Variants in MGAT1 observed in about 807,000 individuals in gnomAD.
MGAT1 encodes N-glycosyl-oligosaccharide-glycoprotein N-acetylglucosaminyltransferase I.
In MGAT1, 14 loss-of-function variants were observed where a neutral mutation model predicts 31.7. The observed-to-expected ratio is 0.44, with a 90% confidence interval of 0.29 to 0.69. The LOEUF (loss-of-function observed/expected upper bound fraction) is 0.69, where lower values mean the gene tolerates loss of function less well. Ranked by LOEUF, MGAT1 falls within the 30% of genes least tolerant of loss-of-function variation. The pLI is 0.12. For missense variants in MGAT1, 557 were observed against 626.0 expected, an observed-to-expected ratio of 0.89 and a Z score of 1.18; for synonymous variants, 338 against 276.0, an observed-to-expected ratio of 1.22 and a Z score of -2.23.
rs1768542890 is a variant in MGAT1 at position 180,792,900 on chromosome 5, C to G, written c.72G>C (p.Leu24=). ...AILFVAWNAL[L]LLFFWTRPAP... is the part of the protein sequence containing the mutation. ...CTGGGCGCGTCCAGAAGAAGAGGAG[C>G]AGCAGGGCATTCCAGGCCACAAAGA... is the stretch of plus-strand genomic sequence containing the variant. The change falls in exon 2 of 2, where the codon CTG becomes CTC. Residue 24 remains leucine (L), a synonymous_variant. Transcript: ENST00000307826. The G allele has an allele frequency of 6.2e-7, 1 of 1,609,024 alleles. No individual in the cohort carries two copies. The highest frequency in any genetic ancestry group is 2.2e-5 in the East Asian group (1 of 44,678).
At position 180,791,722 on chromosome 5, in the gene MGAT1, C is replaced by T. The variant is rs778512465; in HGVS notation, c.1250G>A (p.Arg417Gln). Residue 417 changes from arginine (R) to glutamine (Q), a missense_variant, in exon 2 of 2, where the codon CGG (arginine) becomes CAG (glutamine). Physicochemically the swap from Arg to Gln is conservative, Grantham distance 43. Transcript: ENST00000307826. ...CCGGAACTGGAAGGTGACAATACCC[C>T]GGTAGCCAGCTCTCGGAACCCCCGA... ...LKSGVPRAGY[R>Q]GIVTFQFRGR... The T allele has an allele frequency of 1.6e-5, 26 of 1,614,052 alleles. No homozygotes were observed. Among genetic ancestry groups the T allele is most frequent in the Admixed American group, 1.5e-4 (9 of 60,018 alleles).
At position 180,785,076 on chromosome 5, in the gene MGAT1, A is replaced by G. The variant is rs1767482279; in HGVS notation, c.*6558T>C. 1 of 152,360 alleles carries G rather than the reference A, an allele frequency of 6.6e-6. No homozygotes were observed. The highest frequency in any genetic ancestry group is 2.4e-5 in the African/African-American group (1 of 41,582). The allele number at this position is 152,360 out of a possible 1,614,324, so 9.4% of individuals were successfully genotyped here. A position where few individuals can be genotyped will look rare whatever the true frequency, so the allele number is the denominator to read the frequency against. Reference sequence around the variant, plus strand: ...GAAAAACAGAATATAAAATTGAAAAAAAGTTTTGGAAGGAAAAAATATTCC... The same window carrying G: ...GAAAAACAGAATATAAAATTGAAAAGAAGTTTTGGAAGGAAAAAATATTCC... On this transcript the variant is annotated 3_prime_UTR_variant, in exon 2 of 2. Transcript: ENST00000307826.
At chr5:180,810,757 A>T (rs925598146) in intron 1 of MGAT1, 6 of 151,068 alleles carry the variant, frequency 4.0e-5, no homozygotes, top group African/African-American at 1.5e-4. Flanking sequence ...GCTTCCTCGG[A>T]CGCGAGCTCT....
chr5:180,806,457 G>A (rs373842012), upstream of MGAT1, among the ~76,000 whole-genome samples: 1 of 152,222 alleles, frequency 6.6e-6, no homozygotes, highest in Non-Finnish European at 1.5e-5. Flanking sequence ...AGGGTGGGAA[G>A]GTCAGGGAGA....
rs556651842 is a variant in MGAT1 at position 180,792,834 on chromosome 5, G to A, written c.138C>T (p.Asp46=). 2,071 of 1,562,744 alleles carry A rather than the reference G, an allele frequency of 1.3e-3. 43 individuals carry two copies. The South Asian group carries it at 0.023, about 17-fold the overall frequency. The change falls in exon 2 of 2, where the codon GAC becomes GAT. Residue 46 remains aspartate, a synonymous_variant. Coordinates refer to ENST00000307826, the MANE Select transcript of MGAT1 (RefSeq NM_002406.4). The part of the protein sequence containing the change: ...RPPSVSALDG[D]PASLTREVIR... ...TCACTTCCCGGGTGAGGCTGGCGGG[G>A]TCGCCATCGAGAGCGCTGACTGAGG...
Position 180,798,756 on chromosome 5 carries a change from T to C in MGAT1, c.-127+3924A>G, listed in dbSNP as rs77600692. On this transcript the variant is annotated intron_variant, in intron 1 of 1. Coordinates refer to ENST00000307826, the MANE Select transcript of MGAT1 (RefSeq NM_002406.4). ...CTTTTCTCTCTCCTGCTGTGGCTAT[T>C]CATACATTTTGCTACAGAAATAAAC... Among the ~76,000 whole-genome samples, 818 of 152,372 alleles carry C rather than the reference T, an allele frequency of 5.4e-3. 16 individuals are homozygous for C. The highest frequency in any genetic ancestry group is 0.047 in the East Asian group (245 of 5,192).
rs1420454585 is a variant in MGAT1 at position 180,792,059 on chromosome 5, G to A, written c.913C>T (p.Arg305Cys). The A allele has an allele frequency of 2.5e-6, 4 of 1,613,374 alleles. No homozygotes were observed. Among genetic ancestry groups the A allele is most frequent in the Non-Finnish European group, 3.4e-6 (4 of 1,179,914 alleles). Residue 305 changes from arginine to cysteine, a missense_variant, in exon 2 of 2, where the codon CGC (arginine) becomes TGC (cysteine). Transcript: ENST00000307826. ...GTCATCGTTCTTGAGATCTCAGGGCGTATGCAGGCCCGCCCCTGCCGCTGC... is the reference window on the plus strand; with the variant it reads ...GTCATCGTTCTTGAGATCTCAGGGCATATGCAGGCCCGCCCCTGCCGCTGC... ...PEQRQGRACI[R>C]PEISRTMTFG...
Position 180,788,968 on chromosome 5 carries a change from C to T in MGAT1, c.*2666G>A, listed in dbSNP as rs1243180098. ...GCGGCCAAACTCCTCCTGGCTCCACCGGAAAGGGCACAATGCAGCTATCGC... is the reference window on the plus strand; with the variant it reads ...GCGGCCAAACTCCTCCTGGCTCCACTGGAAAGGGCACAATGCAGCTATCGC... On this transcript the variant is annotated 3_prime_UTR_variant, in exon 2 of 2. Coordinates refer to ENST00000307826, the MANE Select transcript of MGAT1 (RefSeq NM_002406.4). The T allele has an allele frequency of 3.9e-5, 6 of 152,236 alleles. No individual in the cohort carries two copies. The highest frequency in any genetic ancestry group is 3.8e-4 in the East Asian group (2 of 5,198). 9.4% of individuals were successfully genotyped at this position (152,236 alleles called of 1,614,324 possible).
At chr5:180,809,548 G>A (rs984865613) in intron 1 of MGAT1, 2 of 151,952 alleles carry the variant, frequency 1.3e-5, no homozygotes, top group African/African-American at 4.8e-5. Flanking sequence ...AGACCGAGAT[G>A]CTGGCATCTT....
At chr5:180,807,943 G>A (rs1772071023) in intron 2 of MGAT1, among the ~76,000 whole-genome samples, 4 of 152,260 alleles carry the variant, frequency 2.6e-5, no homozygotes, top group South Asian at 2.1e-4. Context: ...CTGTGTACAC[G>A]GCCCTGGATA....
rs1767492354 is a variant in MGAT1 at position 180,785,250 on chromosome 5, C to T, written c.*6384G>A. Reference sequence around the variant, plus strand: ...ACATTCCATTCTGGTCACATAAAATCTTCCACCGTTTCAAGGACAGAACAC... The same window carrying T: ...ACATTCCATTCTGGTCACATAAAATTTTCCACCGTTTCAAGGACAGAACAC... On this transcript the variant is annotated 3_prime_UTR_variant, in exon 2 of 2. Transcript: ENST00000307826. 1 of 152,232 alleles carries T rather than the reference C, an allele frequency of 6.6e-6. No individual in the cohort carries two copies. Among genetic ancestry groups the T allele is most frequent in the Non-Finnish European group, 1.5e-5 (1 of 68,030 alleles). The allele number at this position is 152,232 out of a possible 1,614,324, so 9.4% of individuals were successfully genotyped here. A position where few individuals can be genotyped will look rare whatever the true frequency, so the allele number is the denominator to read the frequency against.
At chr5:180,813,652 G>A (rs902675374) in intron 1 of MGAT1, among the ~76,000 whole-genome samples, 1 of 152,056 alleles carries the variant, frequency 6.6e-6, no homozygotes, top group Non-Finnish European at 1.5e-5. Flanking sequence ...GCAGAGTCTC[G>A]CGGACTGTCA....
chr5:180,804,265 G>C (rs1200511596), upstream of MGAT1, among the ~76,000 whole-genome samples: 1 of 152,228 alleles, frequency 6.6e-6, no homozygotes, highest in Admixed American at 6.5e-5. Context: ...CAAGCCACCA[G>C]ACCTGGTGGG....
chr5:180,792,162 C>T lies in MGAT1; in HGVS notation c.810G>A (p.Leu270=). 6.2e-7 allele frequency: 1 copy of T among 1,613,102 alleles called. No individual in the cohort carries two copies. The highest frequency in any genetic ancestry group is 8.5e-7 in the Non-Finnish European group (1 of 1,179,976). ...GCTCAGCCCAGAGCTCGGCCAACAG[C>T]AGCCAGCCCAGGCCAGGGAAAAAGT... ...RTDFFPGLGW[L]LLAELWAELE... is the part of the protein sequence containing the mutation. Residue 270 remains leucine (L), a synonymous_variant, in exon 2 of 2, where the codon CTG becomes CTA. Coordinates refer to ENST00000307826, the MANE Select transcript of MGAT1 (RefSeq NM_002406.4).
In MGAT1 at chr5:180,787,731, A is replaced by C. The variant is rs1187039803; in HGVS notation, c.*3903T>G. On this transcript the variant is annotated 3_prime_UTR_variant, in exon 2 of 2. Coordinates refer to ENST00000307826, the MANE Select transcript of MGAT1 (RefSeq NM_002406.4). The stretch of plus-strand genomic sequence containing the variant: ...CCTCCCACCCTCTTGGCCTGCTCTG[A>C]GGGCTTCGTCTCCGTTTCCCTGGCC... 4 of 152,238 alleles carry C rather than the reference A, an allele frequency of 2.6e-5. No individual in the cohort carries two copies. Among genetic ancestry groups the C allele is most frequent in the Non-Finnish European group, 5.9e-5 (4 of 68,066 alleles). 9.4% of individuals were successfully genotyped at this position (152,238 alleles called of 1,614,324 possible). A position where few individuals can be genotyped will look rare whatever the true frequency, so the allele number is the denominator to read the frequency against.
chr5:180,793,183 G>A (rs1224268939), intron 1 of MGAT1, 86 bp from the exon 2 acceptor site: 1 of 625,232 alleles, frequency 1.6e-6, no homozygotes, highest in African/African-American at 1.9e-5. Flanking sequence ...GGCAGGAAAA[G>A]GCCAAGAGTG....
Position 180,792,798 on chromosome 5 carries a change from G to A in MGAT1, c.174C>T (p.Ala58=), listed in dbSNP as rs1212853602. 3.2e-6 allele frequency: 5 copies of A among 1,554,836 alleles called. No homozygotes were observed. Among genetic ancestry groups the A allele is most frequent in the Middle Eastern group, 3.6e-4 (2 of 5,608 alleles). The change falls in exon 2 of 2, where the codon GCC becomes GCT. Residue 58 remains alanine (A), a synonymous_variant. Transcript: ENST00000307826. ...GCTCCAGCTCCACCTCGGCGTCTTG[G>A]GCCAGGCGAATCACTTCCCGGGTGA... ...ASLTREVIRL[A]QDAEVELERQ...
At chr5:180,807,605 G>T (rs924843938), upstream of MGAT1, among the ~76,000 whole-genome samples, 1 of 152,182 alleles carries the variant, frequency 6.6e-6, no homozygotes, top group Non-Finnish European at 1.5e-5. Context: ...TGCCCTCAAG[G>T]CTTAAGCATC....
At chr5:180,815,322 C>T (rs1013677016) in intron 1 of MGAT1, 2 of 152,290 alleles carry the variant, frequency 1.3e-5, no homozygotes, top group Non-Finnish European at 2.9e-5. Context: ...GAGGGAACAC[C>T]CAAATATGCA....
Sources: allele counts gnomAD v4.1 joint callset (sites outside exome capture counted in the v4.1 genomes callset), GRCh38; gene constraint gnomAD v4.1.1; transcripts MANE v1.5; gene names NCBI Gene and HGNC (gene_info 2026-07-23, HGNC 2026-07-21).